Variants in ERMP1 observed in about 807,000 individuals in gnomAD.
ERMP1 encodes the protein Felix-ina.
In ERMP1, 86 loss-of-function variants were observed where a neutral mutation model predicts 92.0. The ratio of observed to expected loss-of-function variants is 0.93; its 90% CI spans 0.79 to 1.12. The LOEUF (loss-of-function observed/expected upper bound fraction) is 1.12, where lower values mean the gene tolerates loss of function less well. Among genes scored for constraint, ERMP1 ranks in the 50% most tolerant of loss-of-function variants. ERMP1 has a pLI of 0.00. For missense variants in ERMP1, 1,342 were observed against 1,116.3 expected, an observed-to-expected ratio of 1.20 and a Z score of -2.88; for synonymous variants, 530 against 412.8, an observed-to-expected ratio of 1.28 and a Z score of -3.44.
At chr9:5,856,922 T>G (rs183142008) in intron 6 of ERMP1, among the ~76,000 whole-genome samples, 1 of 152,328 alleles carries the variant, frequency 6.6e-6, no homozygotes, top group Non-Finnish European at 1.5e-5. Context: ...TAAGGACACT[T>G]CAGTAACTTT....
At chr9:5,854,025 G>A (rs1292782193) in intron 6 of ERMP1, among the ~76,000 whole-genome samples, 1 of 151,888 alleles carries the variant, frequency 6.6e-6, no homozygotes, top group South Asian at 2.1e-4. Flanking sequence ...AGCCAAAGAA[G>A]CAGTTAGACC....
At chr9:5,823,415 T>A (rs1391457746) in intron 4 of ERMP1, among the ~76,000 whole-genome samples, 1 of 152,192 alleles carries the variant, frequency 6.6e-6, no homozygotes, top group Admixed American at 6.5e-5. Context: ...CATGAAATGA[T>A]TGACATTTAA....
In ERMP1 at chr9:5,832,698, G is replaced by C. The variant is rs1337471338; in HGVS notation, c.330C>G (p.Leu110=). 4.8e-6 allele frequency: 7 copies of C among 1,472,436 alleles called. No individual in the cohort carries two copies. In the South Asian group the frequency reaches 5.3e-5, roughly 11 times the overall value. The allele number at this position is 1,472,436 out of a possible 1,614,324, so 91.2% of individuals were successfully genotyped here. A position where few individuals can be genotyped will look rare whatever the true frequency, so the allele number is the denominator to read the frequency against. ...GAGGGAGCGGCCGGTACCTGGCTTG[G>C]AGCGCGTCGAACTCCCCGCGGTGTC... ...AAGHRGEFDA[L]QARDYLEHIT... The change falls in exon 1 of 15, where the codon CTC becomes CTG. Residue 110 remains leucine (L), a synonymous_variant. Transcript: ENST00000339450.
intron 5 of ERMP1, 184 bp downstream of exon 5, chr9:5,812,705 C>A: frequency 1.5e-6 from 1 of 671,106 alleles, no homozygotes; most frequent in Non-Finnish European, 2.6e-6. Context: ...TTAGAGGAGG[C>A]CAGCATTTAA....
chr9:5,834,079 T>C (rs1323705067), upstream of ERMP1, among the ~76,000 whole-genome samples: 3 of 152,194 alleles, frequency 2.0e-5, no homozygotes, highest in African/African-American at 4.8e-5. Flanking sequence ...CAATGCCCTA[T>C]AGTCCTGCTC....
intron 11 of ERMP1, 136 bp from the exon 12 acceptor site, chr9:5,799,144 C>G (rs571066207): frequency 3.2e-6 from 2 of 616,816 alleles, no homozygotes; most frequent in East Asian, 2.7e-5. Context: ...CTGAGAGTTT[C>G]TAAGGTACTG....
chr9:5,798,153 C>G (rs1828520023), intron 12 of ERMP1, among the ~76,000 whole-genome samples: 2 of 152,142 alleles, frequency 1.3e-5, no homozygotes, highest in Admixed American at 1.3e-4. Context: ...ATTCCACCAC[C>G]CATCCTATTT....
Position 5,859,273 on chromosome 9 carries a change from A to ATTTCCGTG in ERMP1, n.3199+194_3199+195insCACGGAAA, listed in dbSNP as rs368728199. 2.0e-5 allele frequency among the ~76,000 whole-genome samples: 3 copies of ATTTCCGTG among 151,840 alleles called. No homozygotes were observed. In the South Asian group the frequency reaches 6.2e-4, roughly 32 times the overall value. ...CTCTCCTTGGCAAAGACACTTTGGC[A>ATTTCCGTG]AAGGGAGCTCTTGCTACTCTCTTGG... On this transcript the variant is annotated intron_variant and non_coding_transcript_variant, in intron 6 of 6. Transcript: ENST00000690753.
At chr9:5,804,239 C>T (rs1016003140) in intron 10 of ERMP1, among the ~76,000 whole-genome samples, 9 of 152,092 alleles carry the variant, frequency 5.9e-5, no homozygotes, top group African/African-American at 2.2e-4. Context: ...GAATTCCCAC[C>T]AAAAGAGACC....
rs781157785 is a variant in ERMP1, at chr9:5,833,012, C to G, written c.16G>C (p.Glu6Gln). Residue 6 changes from glutamate to glutamine, a missense_variant, in exon 1 of 15, where the codon GAG (glutamate) becomes CAG (glutamine). Physicochemically the swap from Glu to Gln is conservative, Grantham distance 29 (BLOSUM62 2). Coordinates refer to ENST00000339450, the MANE Select transcript of ERMP1 (RefSeq NM_024896.3). Reference protein sequence around the residue: MEWGSESAAVRRHRVG... With the variant: MEWGSQSAAVRRHRVG... ...CGGTGCCGCCTCACAGCAGCCGACTCAGAACCCCACTCCATGGCCACGAGC... is the reference window on the plus strand; with the variant it reads ...CGGTGCCGCCTCACAGCAGCCGACTGAGAACCCCACTCCATGGCCACGAGC... 2.6e-6 allele frequency: 4 copies of G among 1,547,614 alleles called. No homozygotes were observed. The South Asian group carries it at 4.7e-5, about 18-fold the overall frequency.
intron 13 of ERMP1, among the ~76,000 whole-genome samples, chr9:5,789,218 C>G (rs1828068107): frequency 6.6e-6 from 1 of 151,908 alleles, no homozygotes; most frequent in Admixed American, 6.6e-5. Context: ...CAAGACATAA[C>G]CTAGTAAAAC....
At chr9:5,799,043 A>G in intron 11 of ERMP1, 35 bp from the exon 12 acceptor site, 2 of 1,504,918 alleles carry the variant, frequency 1.3e-6, no homozygotes, top group Non-Finnish European at 1.8e-6. Context: ...AACTGTTTCA[A>G]CTAGTACACC....
At chr9:5,807,368 T>G (rs145554541) in intron 8 of ERMP1, among the ~76,000 whole-genome samples, 1 of 152,364 alleles carries the variant, frequency 6.6e-6, no homozygotes, top group East Asian at 1.9e-4. Context: ...GTCCACTAAC[T>G]GACACAGATG....
rs777919939 is a variant in ERMP1 at position 5,805,726 on chromosome 9, G to A, written c.1608C>T (p.Cys536=). The A allele has an allele frequency of 1.9e-6, 3 of 1,612,878 alleles. No individual in the cohort carries two copies. The highest frequency in any genetic ancestry group is 1.1e-5 in the South Asian group (1 of 90,912). The part of the protein sequence containing the change: ...VFFDISLFVH[C]CFLVTLTYQG... ...GGTAAGTGAGGGTAACAAGAAAACA[G>A]CAATGGACAAACAGCGAAATGTCAA... The change falls in exon 9 of 15, where the codon TGC becomes TGT. Residue 536 remains cysteine (C), a synonymous_variant. Transcript: ENST00000339450.
At chr9:5,851,368 A>G (rs1830305565) in intron 6 of ERMP1, among the ~76,000 whole-genome samples, 1 of 152,216 alleles carries the variant, frequency 6.6e-6, no homozygotes, top group Admixed American at 6.5e-5. Flanking sequence ...TTATTCTGAC[A>G]TGCTATAAAT....
intron 10 of ERMP1, among the ~76,000 whole-genome samples, chr9:5,803,821 T>A: frequency 6.6e-6 from 1 of 152,196 alleles, no homozygotes; most frequent in East Asian, 1.9e-4. Context: ...GGATTATCCT[T>A]ATCCTTATAT....
intron 1 of ERMP1, 93 bp downstream of exon 1, chr9:5,832,597 G>T: frequency 9.6e-7 from 1 of 1,039,536 alleles, no homozygotes; most frequent in Non-Finnish European, 1.3e-6. Flanking sequence ...CAGCGGTCCG[G>T]CAGGGGCGGG....
chr9:5,817,261 C>T lies in ERMP1; in HGVS notation c.875-4226G>A, dbSNP rs147424545. Among the ~76,000 whole-genome samples the T allele has an allele frequency of 3.4e-3, 523 of 151,830 alleles. 3 individuals carry two copies. The highest frequency in any genetic ancestry group is 0.012 in the African/African-American group (492 of 41,358). Reference sequence around the variant, plus strand: ...CTGGAATGCAATGGCATGATCTCGGCTCACTGTGACCTCTGCCTCCCGGGT... The same window carrying T: ...CTGGAATGCAATGGCATGATCTCGGTTCACTGTGACCTCTGCCTCCCGGGT... On this transcript the variant is annotated intron_variant, in intron 4 of 14. Transcript: ENST00000339450.
chr9:5,860,266 C>G (rs1244751483), intron 5 of ERMP1, among the ~76,000 whole-genome samples: 1 of 151,048 alleles, frequency 6.6e-6, no homozygotes, highest in African/African-American at 2.4e-5. Context: ...AATTGTGCCA[C>G]TGTCTGCAGC....
Sources: allele counts gnomAD v4.1 joint callset (sites outside exome capture counted in the v4.1 genomes callset), GRCh38; gene constraint gnomAD v4.1.1; transcripts MANE v1.5; gene names NCBI Gene and HGNC (gene_info 2026-07-23, HGNC 2026-07-21).